The following LRP1B variants were observed in gnomAD, a reference collection of about 807,000 sequenced individuals.
The protein encoded by LRP1B is low-density lipoprotein receptor-related protein 1B.
LRP1B carries 217 observed loss-of-function variants against 556.6 expected under a neutral mutation model. The ratio of observed to expected loss-of-function variants is 0.39; its 90% CI spans 0.35 to 0.44. The LOEUF is 0.44. Ranked by LOEUF, LRP1B falls within the 20% of genes least tolerant of loss-of-function variation. The pLI, the probability that LRP1B is intolerant of heterozygous loss-of-function variation, is 1.00. For synonymous variants in LRP1B, 2,047 were observed against 1,865.8 expected (o/e 1.10, Z -2.50); for missense variants, 5,053 against 5,620.8 (o/e 0.90, Z 3.23).
At chr2:140,983,945 T>A (rs1177960016) in intron 17 of LRP1B, among the ~76,000 whole-genome samples, 1 of 151,908 alleles carries the variant, frequency 6.6e-6, no homozygotes. Context: ...AATTCTATAT[T>A]GTCTCATTTA....
chr2:141,131,407 T>TTTTATATATATGTATATA (rs976965390), intron 7 of LRP1B, among the ~76,000 whole-genome samples: 1 of 110,684 alleles, frequency 9.0e-6, no homozygotes, highest in African/African-American at 3.9e-5. Flanking sequence ...ATGCATAAAG[T>TTTTATATATATGTATATA]TATATATATA....
At chr2:140,258,956 T>C (rs1409044883) in intron 86 of LRP1B, among the ~76,000 whole-genome samples, 1 of 152,158 alleles carries the variant, frequency 6.6e-6, no homozygotes, top group Non-Finnish European at 1.5e-5. Flanking sequence ...GATGACTATG[T>C]CATTAAGACT....
intron 1 of LRP1B, among the ~76,000 whole-genome samples, chr2:141,839,332 A>C (rs540207081): frequency 2.0e-5 from 3 of 152,326 alleles, no homozygotes; most frequent in African/African-American, 7.2e-5. Flanking sequence ...CAGAATTACA[A>C]GTTTCCCAAC....
chr2:142,086,450 C>A (rs1267112855), intron 1 of LRP1B, among the ~76,000 whole-genome samples: 2 of 151,916 alleles, frequency 1.3e-5, no homozygotes, highest in African/African-American at 4.8e-5. Context: ...TGTACAAATG[C>A]AAAAATTATC....
chr2:141,687,764 A>G (rs985510561), intron 2 of LRP1B, among the ~76,000 whole-genome samples: 2 of 151,972 alleles, frequency 1.3e-5, no homozygotes, highest in African/African-American at 4.8e-5. Flanking sequence ...GCTAGAAGAT[A>G]GTCTGAAATA....
intron 7 of LRP1B, among the ~76,000 whole-genome samples, chr2:141,069,012 T>C (rs534088877): frequency 2.6e-5 from 4 of 152,176 alleles, no homozygotes; most frequent in South Asian, 2.1e-4. Context: ...AGAGAAAATA[T>C]AAGGAAGAAG....
At chr2:140,491,364 G>A (rs968630335) in intron 57 of LRP1B, among the ~76,000 whole-genome samples, 6 of 151,752 alleles carry the variant, frequency 4.0e-5, no homozygotes, top group South Asian at 2.1e-4. Context: ...GTGTGTGTGT[G>A]TATATATATA....
chr2:140,916,653 C>A (rs1694588177), intron 21 of LRP1B, among the ~76,000 whole-genome samples: 1 of 152,050 alleles, frequency 6.6e-6, no homozygotes, highest in Non-Finnish European at 1.5e-5. Flanking sequence ...GATGAGTCAG[C>A]ACCAAACTAT....
intron 18 of LRP1B, among the ~76,000 whole-genome samples, chr2:140,978,714 T>G (rs770439026): frequency 1.3e-5 from 2 of 152,196 alleles, no homozygotes; most frequent in African/African-American, 2.4e-5. Flanking sequence ...TTTGTCAGCT[T>G]CTCTTCTGAT....
At chr2:140,745,112 A>G (rs1036577182) in intron 35 of LRP1B, among the ~76,000 whole-genome samples, 5 of 152,186 alleles carry the variant, frequency 3.3e-5, no homozygotes, top group Non-Finnish European at 7.4e-5. Flanking sequence ...TAGGTTGCTC[A>G]CTTTTACTGA....
chr2:141,188,996 T>C (rs993868429), intron 6 of LRP1B, among the ~76,000 whole-genome samples: 3 of 152,006 alleles, frequency 2.0e-5, no homozygotes, highest in Non-Finnish European at 4.4e-5. Flanking sequence ...ATCCTTGTTT[T>C]CAGATTCCCT....
intron 31 of LRP1B, among the ~76,000 whole-genome samples, chr2:140,820,028 C>T (rs1691266326): frequency 1.3e-5 from 2 of 152,170 alleles, no homozygotes; most frequent in African/African-American, 4.8e-5. Context: ...AAGACAGAGT[C>T]TCGCTCTGTC....
At chr2:140,672,543 G>C (rs1054971411) in intron 41 of LRP1B, among the ~76,000 whole-genome samples, 3 of 146,862 alleles carry the variant, frequency 2.0e-5, no homozygotes, top group East Asian at 2.0e-4. Context: ...ATCCAGCAGA[G>C]TAAACTCCAT....
chr2:141,092,413 G>C (rs1700191798), intron 7 of LRP1B, among the ~76,000 whole-genome samples: 1 of 152,140 alleles, frequency 6.6e-6, no homozygotes, highest in Non-Finnish European at 1.5e-5. Flanking sequence ...TATTAAGTTT[G>C]TTATGCCTGT....
intron 18 of LRP1B, among the ~76,000 whole-genome samples, chr2:140,976,185 G>A (rs1372600583): frequency 1.3e-5 from 2 of 151,992 alleles, no homozygotes; most frequent in Non-Finnish European, 2.9e-5. Flanking sequence ...CTGCCAAAAT[G>A]CTGAGATAAC....
chr2:141,409,656 T>A (rs1559054592), intron 3 of LRP1B, among the ~76,000 whole-genome samples: 1 of 152,076 alleles, frequency 6.6e-6, no homozygotes, highest in Non-Finnish European at 1.5e-5. Flanking sequence ...ATGTTCCTAC[T>A]GTTATGGAAC....
At chr2:141,740,528 A>G (rs1214689395) in intron 2 of LRP1B, among the ~76,000 whole-genome samples, 4 of 152,190 alleles carry the variant, frequency 2.6e-5, no homozygotes, top group Non-Finnish European at 4.4e-5. Flanking sequence ...GCAATGTGTA[A>G]TAATCACGAG....
At chr2:141,500,290 C>G (rs899780541) in intron 2 of LRP1B, among the ~76,000 whole-genome samples, 2 of 152,096 alleles carry the variant, frequency 1.3e-5, no homozygotes. Flanking sequence ...AATTTATCAG[C>G]CTTTGTTAAA....
chr2:140,551,521 A>C (rs1370942459), intron 43 of LRP1B, among the ~76,000 whole-genome samples: 1 of 152,126 alleles, frequency 6.6e-6, no homozygotes. Context: ...AATATATAAC[A>C]CATTCCTTTC....
Sources: gnomAD v4.1 joint callset for allele counts (sites outside exome capture counted in the v4.1 genomes callset) on GRCh38, gnomAD v4.1.1 for gene constraint, MANE v1.5 for transcripts, NCBI Gene and HGNC (gene_info 2026-07-23, HGNC 2026-07-21) for gene names.